Variants in ABCC3 observed in about 807,000 individuals in gnomAD.
ABCC3 encodes ATP-binding cassette sub-family C member 3.
A neutral mutation model predicts 165.3 loss-of-function variants in ABCC3; 121 were observed. The ratio of observed to expected loss-of-function variants is 0.73; its 90% CI spans 0.63 to 0.85. The LOEUF (loss-of-function observed/expected upper bound fraction) is 0.85. Ranked by LOEUF, ABCC3 falls within the 40% of genes least tolerant of loss-of-function variation. ABCC3 has a pLI of 0.00. For missense variants in ABCC3, 1,869 were observed against 1,964.1 expected, an observed-to-expected ratio of 0.95 and a Z score of 0.92; for synonymous variants, 733 against 810.1, an observed-to-expected ratio of 0.90 and a Z score of 1.62.
intron 13 of ABCC3, among the ~76,000 whole-genome samples, 194 bp from the exon 14 acceptor site, chr17:50,668,236 C>A (rs1192453364): frequency 2.0e-5 from 3 of 152,268 alleles, no homozygotes; most frequent in South Asian, 4.2e-4. Flanking sequence ...CTGTAGATAG[C>A]CTCCTCTTAC....
chr17:50,656,801 A>G lies in ABCC3; in HGVS notation c.322A>G (p.Thr108Ala), dbSNP rs1051802491. The G allele has an allele frequency of 2.5e-6, 4 of 1,610,890 alleles. No individual in the cohort carries two copies. The African/African-American group carries it at 5.4e-5, about 22-fold the overall frequency. ...GRAPAPVFFV[T>A]PLVVGVTMLL... ...GGCCCCTGCCCCTGTTTTCTTTGTCACCCCCTTGGTGGTGGGGGTCACCAT... is the reference window on the plus strand; with the variant it reads ...GGCCCCTGCCCCTGTTTTCTTTGTCGCCCCCTTGGTGGTGGGGGTCACCAT... Residue 108 changes from threonine (T) to alanine (A), a missense_variant, in exon 3 of 31, where the codon ACC becomes GCC. Thr to Ala is a moderately conservative substitution (Grantham distance 58). Coordinates refer to ENST00000285238, the MANE Select transcript of ABCC3 (RefSeq NM_003786.4).
At chr17:50,637,158 T>C (rs952551288) in intron 1 of ABCC3, among the ~76,000 whole-genome samples, 6 of 152,132 alleles carry the variant, frequency 3.9e-5, no homozygotes, top group Non-Finnish European at 1.5e-5. Flanking sequence ...AATGGCAAAC[T>C]GACCACCCCC....
chr17:50,663,609 G>A (rs749719851), intron 8 of ABCC3, 72 bp from the exon 9 acceptor site: 2 of 1,550,320 alleles, frequency 1.3e-6, no homozygotes, highest in Admixed American at 1.7e-5. Context: ...GCGGGTAAAA[G>A]CAAAGGGCAG....
intron 1 of ABCC3, among the ~76,000 whole-genome samples, chr17:50,647,248 C>T (rs1342201474): frequency 6.6e-6 from 1 of 152,208 alleles, no homozygotes; most frequent in Non-Finnish European, 1.5e-5. Flanking sequence ...TCTCAAACAC[C>T]TCTTTGTCCA....
chr17:50,664,083 T>G lies in ABCC3; in HGVS notation c.1310T>G (p.Ile437Ser). ...CTGCTGTGGTCAGCACCCCTGCAGA[T>G]CATCCTGGCGATCTACTTCCTCTGG... is the stretch of plus-strand genomic sequence containing the variant. ...LNLLWSAPLQ[I>S]ILAIYFLWQN... Residue 437 changes from isoleucine to serine, a missense_variant, in exon 10 of 31, where the codon ATC becomes AGC. By Grantham distance (142) the Ile-to-Ser change is moderately radical. Coordinates refer to ENST00000285238, the MANE Select transcript of ABCC3 (RefSeq NM_003786.4). The G allele has an allele frequency of 1.2e-6, 2 of 1,614,198 alleles. No homozygotes were observed. The highest frequency in any genetic ancestry group is 1.7e-6 in the Non-Finnish European group (2 of 1,180,034).
At position 50,669,143 on chromosome 17, in the gene ABCC3, A is replaced by G. The variant is rs1333434767; in HGVS notation, c.1941A>G (p.Leu647=). 6.3e-7 allele frequency: 1 copy of G among 1,597,384 alleles called. No individual in the cohort carries two copies. The highest frequency in any genetic ancestry group is 2.2e-5 in the East Asian group (1 of 44,786). Residue 647 remains leucine, a synonymous_variant, in exon 16 of 31, where the codon CTA becomes CTG. Coordinates refer to ENST00000285238, the MANE Select transcript of ABCC3 (RefSeq NM_003786.4). ...CTCCTGGGGTCCTTGCCCCCAGCCT[A>G]GACATCCAGGTCCCGAAAGGGGCAC... The part of the protein sequence containing the change: ...AQDLPPTLHS[L]DIQVPKGALV...
rs201511186 is a variant in ABCC3, at chr17:50,665,212, C to T, written c.1398C>T (p.Asn466=). The change falls in exon 11 of 31, where the codon AAC becomes AAT. Residue 466 remains asparagine, a synonymous_variant. Transcript: ENST00000285238. The stretch of plus-strand genomic sequence containing the variant: ...TCATGGTCTTGCTGATTCCACTCAA[C>T]GGAGCTGTGGCCGTGAAGATGCGCG... ...VAFMVLLIPL[N]GAVAVKMRAF... 3.9e-5 allele frequency: 62 copies of T among 1,589,248 alleles called. No homozygotes were observed. Among genetic ancestry groups the T allele is most frequent in the African/African-American group, 5.4e-5 (4 of 74,074 alleles).
intron 17 of ABCC3, among the ~76,000 whole-genome samples, chr17:50,671,713 T>TCC (rs1177142160): frequency 2.6e-5 from 3 of 114,898 alleles, no homozygotes; most frequent in African/African-American, 1.4e-4. Context: ...TTTTTTTTTT[T>TCC]TTTTTTTTTT....
chr17:50,675,417 C>CCA lies in ABCC3; in HGVS notation c.2659_2660dup (p.Asp888ArgfsTer3), dbSNP rs760533275. On this transcript the variant is annotated frameshift_variant, in exon 20 of 31. Coordinates refer to ENST00000285238, the MANE Select transcript of ABCC3 (RefSeq NM_003786.4). LOFTEE classifies it high-confidence loss of function. ...TGCTGATTGAAGACACACTCAGCAA[C>CCA]CACACGGATCTGACAGACAATGATC... 6.2e-7 allele frequency: 1 copy of CCA among 1,614,070 alleles called. No homozygotes were observed. The highest frequency in any genetic ancestry group is 1.1e-5 in the South Asian group (1 of 91,062).
At chr17:50,639,156 C>T (rs1480538970) in intron 1 of ABCC3, among the ~76,000 whole-genome samples, 5 of 152,230 alleles carry the variant, frequency 3.3e-5, no homozygotes, top group African/African-American at 1.2e-4. Flanking sequence ...CACCATAGCT[C>T]ACCCTCCCCT....
chr17:50,673,420 G>T (rs767962794), intron 18 of ABCC3, 49 bp from the exon 19 acceptor site: 3 of 1,592,550 alleles, frequency 1.9e-6, no homozygotes, highest in Admixed American at 3.4e-5. Flanking sequence ...CCTGTGCCAG[G>T]GGTGTGCTGG....
chr17:50,684,164 C>T, intron 28 of ABCC3, 57 bp downstream of exon 28: 1 of 1,583,222 alleles, frequency 6.3e-7, no homozygotes, highest in Non-Finnish European at 8.5e-7. Flanking sequence ...GCAGGCCCCA[C>T]CTTGTTCTGT....
intron 1 of ABCC3, among the ~76,000 whole-genome samples, chr17:50,642,533 T>C (rs1011583460): frequency 6.6e-6 from 1 of 152,210 alleles, no homozygotes; most frequent in Non-Finnish European, 1.5e-5. Flanking sequence ...CTGAGTGTTG[T>C]CCCGTTGCCA....
intron 8 of ABCC3, chr17:50,663,443 T>C: frequency 1.8e-6 from 1 of 547,680 alleles, no homozygotes; most frequent in Non-Finnish European, 3.3e-6. Context: ...GCGTCATCGA[T>C]AGGGCGTGCA....
In ABCC3 at chr17:50,668,753, G is replaced by A. The variant is rs533664844; in HGVS notation, c.1871-100G>A. The A allele has an allele frequency of 9.0e-6, 9 of 1,000,928 alleles. No homozygotes were observed. In the Admixed American group the frequency reaches 9.8e-5, roughly 11 times the overall value. 62.0% of individuals were successfully genotyped at this position (1,000,928 alleles called of 1,614,324 possible). A position where few individuals can be genotyped will look rare whatever the true frequency, so the allele number is the denominator to read the frequency against. On this transcript the variant is annotated intron_variant, in intron 14 of 30. Transcript: ENST00000285238. Reference sequence around the variant, plus strand: ...CAAGGATCCCCTCCCCATGGCCCAGGCTCCTCCCCTGTCCTCCTTTCCCCT... The same window carrying A: ...CAAGGATCCCCTCCCCATGGCCCAGACTCCTCCCCTGTCCTCCTTTCCCCT...
intron 30 of ABCC3, among the ~76,000 whole-genome samples, chr17:50,690,652 A>G (rs951203260): frequency 4.6e-5 from 7 of 152,080 alleles, no homozygotes; most frequent in African/African-American, 1.7e-4. Flanking sequence ...AGCAGCCGCC[A>G]CCAGATTTGC....
chr17:50,664,726 A>AAT (rs1967483398), intron 10 of ABCC3: 1 of 174,104 alleles, frequency 5.7e-6, no homozygotes, highest in Admixed American at 5.8e-5. Flanking sequence ...AAAAAAAAAA[A>AAT]AGAATTGACA....
chr17:50,637,137 T>C (rs1253486661), intron 1 of ABCC3, among the ~76,000 whole-genome samples: 2 of 152,088 alleles, frequency 1.3e-5, no homozygotes, highest in African/African-American at 2.4e-5. Flanking sequence ...GATCTCTGCT[T>C]GGATACCTTA....
chr17:50,635,646 A>G (rs1371417592), intron 1 of ABCC3: 3 of 699,798 alleles, frequency 4.3e-6, no homozygotes, highest in Non-Finnish European at 7.8e-6. Context: ...CTTCTCACAG[A>G]TGGAGAAAGG....
Sources: gnomAD v4.1 joint callset for allele counts (sites outside exome capture counted in the v4.1 genomes callset) on GRCh38, gnomAD v4.1.1 for gene constraint, MANE v1.5 for transcripts, NCBI Gene and HGNC (gene_info 2026-07-23, HGNC 2026-07-21) for gene names.